Variants in ZNF592 observed in about 807,000 individuals in gnomAD.
ZNF592 encodes zinc finger protein 592.
In ZNF592, 11 loss-of-function variants were observed where a neutral mutation model predicts 80.3. That is an observed-to-expected ratio of 0.14 (90% CI 0.09 to 0.23). The LOEUF (loss-of-function observed/expected upper bound fraction) is 0.23. Among genes scored for constraint, ZNF592 ranks in the 10% least tolerant of loss-of-function variants. The pLI, the probability that ZNF592 is intolerant of heterozygous loss-of-function variation, is 1.00. For missense variants in ZNF592, 1,420 were observed against 1,633.9 expected (o/e 0.87, Z 2.26); for synonymous variants, 646 against 640.3 (o/e 1.01, Z -0.13).
At position 84,798,625 on chromosome 15, in the gene ZNF592, C is replaced by T. The variant is rs1407271635; in HGVS notation, c.2774C>T (p.Ser925Leu). The change falls in exon 8 of 11, where the codon TCA becomes TTA. Residue 925 changes from serine (S) to leucine (L), a missense_variant. Around this residue, in one of 7 missense-constraint regions of ZNF592, gnomAD observed 331 missense variants for 347.0 expected, o/e 0.95. Transcript: ENST00000560079. The surrounding 1 kb of genome is among the most constrained non-coding windows in gnomAD (Gnocchi z 4.5). ...HGVPRNVDEL[S>L]SLQSSADTSS... ...GTTCCCCGAAATGTGGACGAGCTGT[C>T]AAGCCTCCAGTCTTCAGCGGACACA... 1 of 1,614,086 alleles carries T rather than the reference C, an allele frequency of 6.2e-7. No homozygotes were observed. The highest frequency in any genetic ancestry group is 2.2e-5 in the East Asian group (1 of 44,882).
At chr15:84,792,657 G>C (rs1962782344) in intron 5 of ZNF592, among the ~76,000 whole-genome samples, 1 of 152,132 alleles carries the variant, frequency 6.6e-6, no homozygotes, top group Non-Finnish European at 1.5e-5. Flanking sequence ...TCACCATGTT[G>C]CCCAGGCTGG....
chr15:84,786,785 G>A (rs1962596101), intron 4 of ZNF592, among the ~76,000 whole-genome samples: 2 of 151,736 alleles, frequency 1.3e-5, no homozygotes, highest in African/African-American at 4.8e-5. Flanking sequence ...GAGGCCCCAT[G>A]GCAGTGGAGG....
intron 1 of ZNF592, among the ~76,000 whole-genome samples, chr15:84,749,803 T>G (rs1898960175): frequency 6.6e-6 from 1 of 152,236 alleles, no homozygotes; most frequent in African/African-American, 2.4e-5. Flanking sequence ...ACTGTTACGT[T>G]ACACAGTGAA....
rs542823574 is a variant in ZNF592 at position 84,792,568 on chromosome 15, G to A, written c.2399+1685G>A. On this transcript the variant is annotated intron_variant, in intron 5 of 10. Coordinates refer to ENST00000560079, the MANE Select transcript of ZNF592 (RefSeq NM_014630.3). Reference sequence around the variant, plus strand: ...CGAGCTCAGGTGATCCTCCCATCTCGGCCTCCCAGGTAGCTGGGACTACAG... The same window carrying A: ...CGAGCTCAGGTGATCCTCCCATCTCAGCCTCCCAGGTAGCTGGGACTACAG... Among the ~76,000 whole-genome samples, 2 of 151,934 alleles carry A rather than the reference G, an allele frequency of 1.3e-5. 1 individual carries two copies. Among genetic ancestry groups the A allele is most frequent in the Admixed American group, 1.3e-4 (2 of 15,256 alleles).
chr15:84,799,882 C>G lies in ZNF592; in HGVS notation c.3178C>G (p.Leu1060Val), dbSNP rs146103176. ...CAGCCCCAGCTTTCCTCGGCCCTCC[C>G]TTCTGGAGAGCCACATCAGCCTTAT... ...EDSPSFPRPSLLESHISLMHG... is the reference protein window; with the variant it reads ...EDSPSFPRPSVLESHISLMHG... The change falls in exon 10 of 11, where the codon CTT becomes GTT. Residue 1060 changes from leucine (L) to valine (V), a missense_variant. Leu to Val is a conservative substitution (Grantham distance 32). This residue lies in a region of ZNF592 where 331 missense variants were observed against 347.0 expected (regional missense o/e 0.95). Transcript: ENST00000560079. This position sits in a 1 kb window ranked among gnomAD's most constrained non-coding sequence, Gnocchi z 4.2. The G allele has an allele frequency of 1.9e-6, 3 of 1,614,210 alleles. No homozygotes were observed. Among genetic ancestry groups the G allele is most frequent in the Non-Finnish European group, 2.5e-6 (3 of 1,180,022 alleles).
rs777112517 is a variant in ZNF592 at position 84,783,616 on chromosome 15, C to T, written c.941C>T (p.Pro314Leu). Residue 314 changes from proline (P) to leucine (L), a missense_variant, in exon 4 of 11, where the codon CCC becomes CTC. Pro to Leu is a moderately conservative substitution (Grantham distance 98). Coordinates refer to ENST00000560079, the MANE Select transcript of ZNF592 (RefSeq NM_014630.3). The surrounding 1 kb of genome is among the most constrained non-coding windows in gnomAD (Gnocchi z 5.0). ...QPGHTKDLSGPTKESSKGSPK... is the reference protein window; with the variant it reads ...QPGHTKDLSGLTKESSKGSPK... ...GGCCACACAAAGGATCTCTCAGGGC[C>T]CACTAAAGAGAGTTCTAAAGGTAGC... 1 of 1,614,156 alleles carries T rather than the reference C, an allele frequency of 6.2e-7. No individual in the cohort carries two copies. The highest frequency in any genetic ancestry group is 8.5e-7 in the Non-Finnish European group (1 of 1,180,040).
chr15:84,762,723 C>T (rs936911709), intron 1 of ZNF592, among the ~76,000 whole-genome samples: 1 of 152,168 alleles, frequency 6.6e-6, no homozygotes, highest in African/African-American at 2.4e-5. Context: ...GCAAGGGCCC[C>T]CTGACCTTGC....
intron 1 of ZNF592, among the ~76,000 whole-genome samples, chr15:84,751,959 A>G (rs1027717672): frequency 1.3e-5 from 2 of 152,034 alleles, no homozygotes; most frequent in African/African-American, 4.8e-5. Flanking sequence ...ACAGTGTCTC[A>G]CTATGCTGCC....
Position 84,798,292 on chromosome 15 carries a change from C to G in ZNF592, c.2577-23C>G. 6.2e-7 allele frequency: 1 copy of G among 1,613,964 alleles called. No individual in the cohort carries two copies. ...GCTGCATGGTGCCTTGGCCACCTCACCCCCTAGGGCTTGTCTCATCAGGCT... is the reference window on the plus strand; with the variant it reads ...GCTGCATGGTGCCTTGGCCACCTCAGCCCCTAGGGCTTGTCTCATCAGGCT... On this transcript the variant is annotated intron_variant, in intron 6 of 10. Transcript: ENST00000560079. This position sits in a 1 kb window ranked among gnomAD's most constrained non-coding sequence, Gnocchi z 4.5.
chr15:84,796,234 A>AATAAAT lies in ZNF592; in HGVS notation c.2400-1634_2400-1633insTAAATA, dbSNP rs1567076077. ...AAGACTCTGTCTCAAAAAAAAAAAA[A>AATAAAT]AAAAAATATATATATATATATATAT... On this transcript the variant is annotated intron_variant, in intron 5 of 10. Transcript: ENST00000560079. 2.0e-4 allele frequency among the ~76,000 whole-genome samples: 6 copies of AATAAAT among 30,586 alleles called. 1 individual carries two copies. The highest frequency in any genetic ancestry group is 1.2e-3 in the African/African-American group (6 of 4,860). The allele number at this position is 30,586 out of a possible 152,430, so 20.1% of individuals were successfully genotyped here. A position where few individuals can be genotyped will look rare whatever the true frequency, so the allele number is the denominator to read the frequency against.
chr15:84,772,541 C>A (rs911138029), intron 2 of ZNF592, among the ~76,000 whole-genome samples: 5 of 152,118 alleles, frequency 3.3e-5, no homozygotes. Flanking sequence ...CAGAGTGAGA[C>A]CCTGTCTCAA....
chr15:84,755,942 T>C (rs534012459), intron 1 of ZNF592, among the ~76,000 whole-genome samples: 6 of 152,250 alleles, frequency 3.9e-5, no homozygotes, highest in East Asian at 1.9e-4. Flanking sequence ...AGCTGATGAG[T>C]AGAGTGTGAC....
intron 5 of ZNF592, among the ~76,000 whole-genome samples, chr15:84,791,165 C>T (rs1056993849): frequency 2.0e-5 from 3 of 152,114 alleles, no homozygotes; most frequent in South Asian, 2.1e-4. Context: ...GGTTTTAAAA[C>T]GTATGTAAGT....
Position 84,783,454 on chromosome 15 carries a change from G to T in ZNF592, c.779G>T (p.Arg260Leu), listed in dbSNP as rs755046243. The change falls in exon 4 of 11, where the codon CGG (arginine) becomes CTG (leucine). Residue 260 changes from arginine (R) to leucine (L), a missense_variant. Physicochemically the swap from Arg to Leu is moderately radical, Grantham distance 102 (BLOSUM62 -2). Coordinates refer to ENST00000560079, the MANE Select transcript of ZNF592 (RefSeq NM_014630.3). The surrounding 1 kb of genome is among the most constrained non-coding windows in gnomAD (Gnocchi z 5.0). Reference sequence around the variant, plus strand: ...ATTGGAGAGTCCAAGGGGCTTGCCCGGGAGCTTGGTACCTGCTCATCAGTC... The same window carrying T: ...ATTGGAGAGTCCAAGGGGCTTGCCCTGGAGCTTGGTACCTGCTCATCAGTC... ...NSIGESKGLA[R>L]ELGTCSSVPP... 19 of 1,614,170 alleles carry T rather than the reference G, an allele frequency of 1.2e-5. No individual in the cohort carries two copies. Among genetic ancestry groups the T allele is most frequent in the Non-Finnish European group, 1.4e-5 (17 of 1,180,018 alleles).
intron 2 of ZNF592, among the ~76,000 whole-genome samples, chr15:84,771,136 A>T (rs893236648): frequency 1.3e-5 from 2 of 152,054 alleles, no homozygotes; most frequent in Admixed American, 6.6e-5. Flanking sequence ...ACGGAAATAG[A>T]GGGGAAAGAC....
chr15:84,799,180 A>T lies in ZNF592; in HGVS notation c.3107A>T (p.His1036Leu), dbSNP rs1203608788. Reference protein sequence around the residue: ...NSLRKHIRNNHDTVKKFYTCG... With the variant: ...NSLRKHIRNNLDTVKKFYTCG... ...CTGCGCAAACACATCCGCAACAACC[A>T]TGACACAGTAAAGAAGTTCTACACC... The change falls in exon 9 of 11, where the codon CAT becomes CTT. Residue 1036 changes from histidine to leucine, a missense_variant. By Grantham distance (99) the His-to-Leu change is moderately conservative. Transcript: ENST00000560079. The surrounding 1 kb of genome is among the most constrained non-coding windows in gnomAD (Gnocchi z 4.2). 6.2e-7 allele frequency: 1 copy of T among 1,614,162 alleles called. No individual in the cohort carries two copies. Among genetic ancestry groups the T allele is most frequent in the South Asian group, 1.1e-5 (1 of 91,078 alleles).
chr15:84,798,064 C>T lies in ZNF592; in HGVS notation c.2576+19C>T, dbSNP rs1480852379. ...CCTCCCAGTGAGTGCAGCTCCAGGG[C>T]CAGCAGGCCCTGTGGAGCAGAGAGG... On this transcript the variant is annotated intron_variant, in intron 6 of 10. Transcript: ENST00000560079. The surrounding 1 kb of genome is among the most constrained non-coding windows in gnomAD (Gnocchi z 4.5). The T allele has an allele frequency of 1.2e-6, 2 of 1,612,828 alleles. No individual in the cohort carries two copies. The highest frequency in any genetic ancestry group is 2.7e-5 in the African/African-American group (2 of 74,938).
chr15:84,786,762 A>G (rs566062523), intron 4 of ZNF592, among the ~76,000 whole-genome samples: 21 of 151,268 alleles, frequency 1.4e-4, no homozygotes, highest in Admixed American at 2.6e-4. Flanking sequence ...TATCTGAGTC[A>G]AGGGGCCATG....
chr15:84,767,417 C>T (rs867705932), intron 2 of ZNF592, among the ~76,000 whole-genome samples: 4 of 152,146 alleles, frequency 2.6e-5, no homozygotes, highest in Middle Eastern at 3.4e-3. Flanking sequence ...ATTTAGGGGT[C>T]CCCACTACCA....
Sources: allele counts gnomAD v4.1 joint callset (sites outside exome capture counted in the v4.1 genomes callset), GRCh38; gene constraint gnomAD v4.1.1; regional missense constraint gnomAD v4.1.1; non-coding constraint Gnocchi (gnomAD v3.1); transcripts MANE v1.5; gene names NCBI Gene and HGNC (gene_info 2026-07-23, HGNC 2026-07-21).